The following EPHA3 variants were observed in gnomAD, a reference collection of about 807,000 sequenced individuals.
EPHA3 encodes EPH receptor A3, also known as ephrin type-A receptor 3.
EPHA3 carries 42 observed loss-of-function variants against 107.1 expected under a neutral mutation model. The observed-to-expected ratio is 0.39, with a 90% CI of 0.31 to 0.51. EPHA3 has a LOEUF of 0.51. Among genes scored for constraint, EPHA3 ranks in the 20% least tolerant of loss-of-function variants. The pLI is 0.78. For synonymous variants in EPHA3, 461 were observed against 424.8 expected (o/e 1.09, Z -1.05); for missense variants, 1,183 against 1,211.2 (o/e 0.98, Z 0.35).
In EPHA3 at chr3:89,365,517, A is replaced by C. The variant is rs538497887; in HGVS notation, c.1306+23427A>C. Among the ~76,000 whole-genome samples the C allele has an allele frequency of 8.6e-5, 13 of 150,894 alleles. 1 individual carries two copies. In the South Asian group the frequency reaches 2.7e-3, roughly 32 times the overall value. ...CCTTGGTTTGATTTTCCACAGGGCA[A>C]CACTTGACTGTCTGTGCAGCAAGGG... On this transcript the variant is annotated intron_variant, in intron 5 of 16. Coordinates refer to ENST00000336596, the MANE Select transcript of EPHA3 (RefSeq NM_005233.6).
At chr3:89,305,141 T>A (rs182200283) in intron 3 of EPHA3, among the ~76,000 whole-genome samples, 68 of 152,340 alleles carry the variant, frequency 4.5e-4, no homozygotes, top group African/African-American at 1.6e-3. Context: ...CATAGATACT[T>A]GCAATACTTT....
intron 1 of EPHA3, among the ~76,000 whole-genome samples, chr3:89,116,289 G>A (rs1301457878): frequency 6.6e-6 from 1 of 152,060 alleles, no homozygotes; most frequent in African/African-American, 2.4e-5. Context: ...TTAGGGTTAT[G>A]TGTAATAAAA....
At position 89,249,611 on chromosome 3, in the gene EPHA3, C is replaced by T. The variant is rs550026474; in HGVS notation, c.814+39091C>T. Among the ~76,000 whole-genome samples, 26 of 152,068 alleles carry T rather than the reference C, an allele frequency of 1.7e-4. No homozygotes were observed. The East Asian group carries it at 4.1e-3, about 24-fold the overall frequency. On this transcript the variant is annotated intron_variant, in intron 3 of 16. Transcript: ENST00000336596. Reference sequence around the variant, plus strand: ...TAGTAGCTGGGACTACAGTCGTATGCCACCATGCCCTGCTAATTTTTGTAT... The same window carrying T: ...TAGTAGCTGGGACTACAGTCGTATGTCACCATGCCCTGCTAATTTTTGTAT...
In EPHA3 at chr3:89,341,887, G is replaced by A. The variant is rs2107419970; in HGVS notation, c.1103G>A (p.Trp368Ter). 1 of 1,613,810 alleles carries A rather than the reference G, an allele frequency of 6.2e-7. No individual in the cohort carries two copies. The highest frequency in any genetic ancestry group is 8.5e-7 in the Non-Finnish European group (1 of 1,179,988). The change falls in exon 5 of 17, where the codon TGG becomes TAG. Residue 368 changes from tryptophan (W) to a stop codon, truncating the protein, a stop_gained. Transcript: ENST00000336596. LOFTEE classifies it high-confidence loss of function. ...AACATCATATGTAAAAAATGTGGGTGGAATATAAAACAGTGTGAGCCATGC... is the reference window on the plus strand; with the variant it reads ...AACATCATATGTAAAAAATGTGGGTAGAATATAAAACAGTGTGAGCCATGC... The part of the protein sequence containing the change: ...TFNIICKKCG[W>*]NIKQCEPCSP...
At chr3:89,236,048 T>C (rs947862383) in intron 3 of EPHA3, among the ~76,000 whole-genome samples, 1 of 152,050 alleles carries the variant, frequency 6.6e-6, no homozygotes, top group African/African-American at 2.4e-5. Flanking sequence ...AATTTTAAAC[T>C]GTTTCATTGT....
At chr3:89,373,547 G>A (rs1708347031) in intron 5 of EPHA3, among the ~76,000 whole-genome samples, 1 of 151,850 alleles carries the variant, frequency 6.6e-6, no homozygotes, top group Non-Finnish European at 1.5e-5. Context: ...AAAGATTTCT[G>A]TGTAAGCCCA....
chr3:89,300,565 T>G (rs1470622341), intron 3 of EPHA3, among the ~76,000 whole-genome samples: 1 of 152,052 alleles, frequency 6.6e-6, no homozygotes. Flanking sequence ...CTAAACATTT[T>G]TATTTAGATT....
At chr3:89,204,975 T>C (rs547667873) in intron 2 of EPHA3, among the ~76,000 whole-genome samples, 2 of 152,212 alleles carry the variant, frequency 1.3e-5, no homozygotes, top group Non-Finnish European at 2.9e-5. Context: ...AAATTGGTGT[T>C]TCTTATAAAC....
At chr3:89,400,051 T>C (rs1708927082) in intron 7 of EPHA3, 1 of 1,032,540 alleles carries the variant, frequency 9.7e-7, no homozygotes. Flanking sequence ...TAACTTTTCT[T>C]TTTTTCAAAT....
intron 1 of EPHA3, among the ~76,000 whole-genome samples, chr3:89,115,752 T>C (rs1013542691): frequency 6.6e-6 from 1 of 152,158 alleles, no homozygotes; most frequent in Non-Finnish European, 1.5e-5. Context: ...TTGTTACAAC[T>C]GAGGAAACTG....
intron 2 of EPHA3, among the ~76,000 whole-genome samples, chr3:89,129,466 A>T (rs549629097): frequency 2.0e-4 from 30 of 152,304 alleles, no homozygotes; most frequent in African/African-American, 6.3e-4. Flanking sequence ...AGCTAAAAAA[A>T]AGAATAAAAT....
chr3:89,359,718 T>A (rs561344702), intron 5 of EPHA3, among the ~76,000 whole-genome samples: 1 of 139,074 alleles, frequency 7.2e-6, no homozygotes, highest in South Asian at 2.2e-4. Context: ...TGTGTGTATA[T>A]ATATATACAT....
At chr3:89,369,208 A>C (rs983358730) in intron 5 of EPHA3, among the ~76,000 whole-genome samples, 11 of 151,028 alleles carry the variant, frequency 7.3e-5, no homozygotes, top group Non-Finnish European at 1.6e-4. Flanking sequence ...CCTAAGCCAA[A>C]AGAACAAAGC....
chr3:89,413,518 T>C (rs927372940), intron 10 of EPHA3, among the ~76,000 whole-genome samples: 2 of 151,778 alleles, frequency 1.3e-5, no homozygotes, highest in African/African-American at 4.8e-5. Flanking sequence ...AATCTTCCCA[T>C]AGCTGTGCTG....
intron 3 of EPHA3, among the ~76,000 whole-genome samples, chr3:89,278,006 T>C (rs1271528668): frequency 2.6e-5 from 4 of 151,924 alleles, no homozygotes; most frequent in Non-Finnish European, 5.9e-5. Flanking sequence ...ATGTATTTGA[T>C]TTTTTTTGAC....
intron 5 of EPHA3, among the ~76,000 whole-genome samples, chr3:89,347,489 G>A (rs1376892101): frequency 1.3e-5 from 2 of 148,656 alleles, no homozygotes; most frequent in Non-Finnish European, 3.0e-5. Flanking sequence ...TGCTGAAGTT[G>A]CTTATCAGCT....
At chr3:89,173,360 A>G (rs1305556667) in intron 2 of EPHA3, among the ~76,000 whole-genome samples, 1 of 152,136 alleles carries the variant, frequency 6.6e-6, no homozygotes, top group South Asian at 2.1e-4. Context: ...CAACCCTTAC[A>G]TAGGCAGTAA....
chr3:89,185,719 C>T, intron 2 of EPHA3, among the ~76,000 whole-genome samples: 1 of 152,142 alleles, frequency 6.6e-6, no homozygotes, highest in Non-Finnish European at 1.5e-5. Flanking sequence ...TCCCTTTCTA[C>T]TTTGTCTACT....
chr3:89,203,318 C>T (rs1213436737), intron 2 of EPHA3, among the ~76,000 whole-genome samples: 1 of 84,366 alleles, frequency 1.2e-5, no homozygotes, highest in Non-Finnish European at 2.6e-5. Context: ...CCTGCTTAGC[C>T]GGAATTAAAA....
Sources: allele counts gnomAD v4.1 joint callset (sites outside exome capture counted in the v4.1 genomes callset), GRCh38; gene constraint gnomAD v4.1.1; transcripts MANE v1.5; gene names NCBI Gene and HGNC (gene_info 2026-07-23, HGNC 2026-07-21).